NAV3: variants seen among roughly 807,000 people sequenced by gnomAD.
NAV3 encodes the protein pore membrane and/or filament interacting like protein 1.
Under a neutral mutation model 244.7 loss-of-function variants are expected in NAV3, and 87 were observed. The observed-to-expected ratio is 0.36, with a 90% CI of 0.30 to 0.42. The LOEUF (loss-of-function observed/expected upper bound fraction) is 0.42, where lower values mean the gene tolerates loss of function less well. Among genes scored for constraint, NAV3 ranks in the 20% least tolerant of loss-of-function variants. The probability of loss-of-function intolerance (pLI) is 1.00; values close to 1 mark genes in which losing one functional copy is unlikely to be tolerated. For synonymous variants in NAV3, 1,126 were observed against 1,042.2 expected, an observed-to-expected ratio of 1.08 and a Z score of -1.55; for missense variants, 2,663 against 2,893.3, an observed-to-expected ratio of 0.92 and a Z score of 1.83.
At chr12:78,067,517 A>G (rs74106122) in intron 12 of NAV3, among the ~76,000 whole-genome samples, 1 of 152,200 alleles carries the variant, frequency 6.6e-6, no homozygotes, top group African/African-American at 2.4e-5. Flanking sequence ...AACTGTGCCC[A>G]TTGTGAATAA....
At chr12:78,160,064 A>G (rs1383678670) in intron 23 of NAV3, among the ~76,000 whole-genome samples, 2 of 152,190 alleles carry the variant, frequency 1.3e-5, no homozygotes, top group Non-Finnish European at 2.9e-5. Flanking sequence ...ACAAAGGCCA[A>G]TCCTGTGTAA....
chr12:77,748,157 A>G, intron 2 of NAV3, among the ~76,000 whole-genome samples: 1 of 152,250 alleles, frequency 6.6e-6, no homozygotes, highest in Non-Finnish European at 1.5e-5. Flanking sequence ...ATAGAAGAGC[A>G]TTCTGGAAGG....
At chr12:77,669,356 C>T (rs752804608) in intron 2 of NAV3, among the ~76,000 whole-genome samples, 1 of 152,060 alleles carries the variant, frequency 6.6e-6, no homozygotes, top group Admixed American at 6.6e-5. Flanking sequence ...CATCTCCATA[C>T]TAACATTGAA....
chr12:78,094,055 G>A (rs1954105551), intron 12 of NAV3, among the ~76,000 whole-genome samples: 1 of 152,120 alleles, frequency 6.6e-6, no homozygotes, highest in Non-Finnish European at 1.5e-5. Context: ...GCCCAGGCTG[G>A]TCTCAAACTT....
At chr12:78,163,689 C>T (rs576766463) in intron 23 of NAV3, among the ~76,000 whole-genome samples, 1 of 152,218 alleles carries the variant, frequency 6.6e-6, no homozygotes, top group East Asian at 1.9e-4. Context: ...AATACTAAGT[C>T]TGTAAGTAGG....
rs12305478 is a variant in NAV3, at chr12:78,044,750, G to A, written c.2024-5243G>A. ...TCTGTTTGTCTGTTATTGGTGTATA[G>A]GAATGCTTGTGATTTTCGCATGTTG... On this transcript the variant is annotated intron_variant, in intron 9 of 39. Coordinates refer to ENST00000397909, the MANE Select transcript of NAV3 (RefSeq NM_001024383.2). 6.3e-3 allele frequency among the ~76,000 whole-genome samples: 953 copies of A among 152,210 alleles called. 9 individuals are homozygous for A. Among genetic ancestry groups the A allele is most frequent in the African/African-American group, 0.021 (888 of 41,514 alleles).
intron 5 of NAV3, among the ~76,000 whole-genome samples, chr12:77,981,623 T>A (rs1869576975): frequency 6.6e-6 from 1 of 151,944 alleles, no homozygotes; most frequent in South Asian, 2.1e-4. Flanking sequence ...TATTCCCGAT[T>A]TTTTTTCTCA....
chr12:77,999,406 A>G (rs1872863145), intron 7 of NAV3, among the ~76,000 whole-genome samples: 1 of 152,384 alleles, frequency 6.6e-6, no homozygotes, highest in South Asian at 2.1e-4. Context: ...TTGGGATCAA[A>G]TAATTCAACC....
rs114443335 is a variant in NAV3, at chr12:77,752,871, C to T, written c.72+180605C>T. Among the ~76,000 whole-genome samples the T allele has an allele frequency of 3.1e-3, 475 of 152,210 alleles. 3 individuals are homozygous for T. The highest frequency in any genetic ancestry group is 0.024 in the Middle Eastern group (7 of 294). ...AAAATTGAATGCACAGGTTACATCCCTTTTTGGTGAGACTGTCAGGTTAGG... is the reference window on the plus strand; with the variant it reads ...AAAATTGAATGCACAGGTTACATCCTTTTTTGGTGAGACTGTCAGGTTAGG... On this transcript the variant is annotated intron_variant, in intron 2 of 8. Coordinates refer to the NAV3 transcript ENST00000550042.
intron 1 of NAV3, among the ~76,000 whole-genome samples, chr12:77,900,075 ATTT>A (rs201444499): frequency 0.022 from 2,847 of 127,246 alleles, 33 homozygotes; most frequent in African/African-American, 0.04. Flanking sequence ...ATTGTTCTCA[ATTT>A]TTTTTTTTTT....
chr12:77,597,869 T>C (rs1004598799), intron 2 of NAV3, among the ~76,000 whole-genome samples: 7 of 152,198 alleles, frequency 4.6e-5, no homozygotes, highest in South Asian at 2.1e-4. Flanking sequence ...TACAGTTTTA[T>C]GGTGGAGACA....
At position 78,194,462 on chromosome 12, in the gene NAV3, A is replaced by G. The variant is rs190816636; in HGVS notation, c.6292-2785A>G. Among the ~76,000 whole-genome samples the G allele has an allele frequency of 2.0e-5, 3 of 152,178 alleles. No individual in the cohort carries two copies. In the East Asian group the frequency reaches 5.8e-4, roughly 29 times the overall value. ...AATTAAAATCTGATCAAATTTTTCA[A>G]TGTTTTCTTATAGATTTCTGTACTA... is the stretch of plus-strand genomic sequence containing the variant. On this transcript the variant is annotated intron_variant, in intron 34 of 39. Transcript: ENST00000397909.
Position 78,051,285 on chromosome 12 carries a change from T to G in NAV3, c.2516+138T>G. On this transcript the variant is annotated intron_variant, in intron 11 of 39. Coordinates refer to ENST00000397909, the MANE Select transcript of NAV3 (RefSeq NM_001024383.2). The stretch of plus-strand genomic sequence containing the variant: ...AGATATCTGAGGTTATTCAGAGTGT[T>G]GAAGGGCCCTTCCTCTGCTCATTCA... 3.4e-6 allele frequency: 3 copies of G among 891,628 alleles called. No homozygotes were observed. In the South Asian group the frequency reaches 5.7e-5, roughly 17 times the overall value. 55.2% of individuals were successfully genotyped at this position (891,628 alleles called of 1,614,324 possible).
intron 2 of NAV3, among the ~76,000 whole-genome samples, chr12:77,640,765 T>C (rs1272477841): frequency 1.3e-5 from 2 of 152,098 alleles, no homozygotes; most frequent in East Asian, 3.8e-4. Flanking sequence ...TGCCTCAACC[T>C]AAAGGAAGAA....
At chr12:78,187,382 A>G (rs1213281961) in intron 31 of NAV3, among the ~76,000 whole-genome samples, 9 of 151,926 alleles carry the variant, frequency 5.9e-5, no homozygotes, top group African/African-American at 1.9e-4. Context: ...TAATGATAAC[A>G]TACTTGGTGA....
At chr12:78,116,401 GA>G (rs1356493207) in intron 12 of NAV3, among the ~76,000 whole-genome samples, 1 of 152,148 alleles carries the variant, frequency 6.6e-6, no homozygotes, top group African/African-American at 2.4e-5. Context: ...TTAGAACAAA[GA>G]ATAAATTTGT....
chr12:78,131,076 G>A (rs913859768), intron 18 of NAV3: 1 of 152,368 alleles, frequency 6.6e-6, no homozygotes, highest in Non-Finnish European at 1.5e-5. Context: ...GGCCCTGAGG[G>A]TTCCAAGGGC....
At chr12:77,680,831 A>G (rs963601781) in intron 2 of NAV3, among the ~76,000 whole-genome samples, 15 of 152,186 alleles carry the variant, frequency 9.9e-5, no homozygotes, top group African/African-American at 2.7e-4. Flanking sequence ...TCGAAAGTGG[A>G]GTAGAAGCTG....
At chr12:77,992,179 A>T (rs1871561268) in intron 5 of NAV3, among the ~76,000 whole-genome samples, 1 of 152,198 alleles carries the variant, frequency 6.6e-6, no homozygotes. Flanking sequence ...TAATATCAAG[A>T]CACAAGCCTA....
Sources: gnomAD v4.1 joint callset for allele counts (sites outside exome capture counted in the v4.1 genomes callset) on GRCh38, gnomAD v4.1.1 for gene constraint, MANE v1.5 for transcripts, NCBI Gene and HGNC (gene_info 2026-07-23, HGNC 2026-07-21) for gene names.